The following BTBD16 variants were observed in gnomAD, a reference collection of about 807,000 sequenced individuals.
BTBD16 encodes BTB/POZ domain-containing protein 16.
In BTBD16, 66 loss-of-function variants were observed where a neutral mutation model predicts 67.4. The observed-to-expected ratio is 0.98, with a 90% CI of 0.80 to 1.20. BTBD16 has a LOEUF of 1.20. Ranked by LOEUF, BTBD16 falls within the 50% of genes most tolerant of loss-of-function variation. BTBD16 has a pLI of 0.00. For synonymous variants in BTBD16, 242 were observed against 236.4 expected, an observed-to-expected ratio of 1.02 and a Z score of -0.22; for missense variants, 634 against 616.0, an observed-to-expected ratio of 1.03 and a Z score of -0.31.
At chr10:122,303,974 A>G (rs2096398801) in intron 9 of BTBD16, among the ~76,000 whole-genome samples, 1 of 152,162 alleles carries the variant, frequency 6.6e-6, no homozygotes, top group Admixed American at 6.5e-5. Flanking sequence ...TGATTCGTGG[A>G]GCTCCCAAGG....
At chr10:122,290,288 G>T (rs998478130) in intron 6 of BTBD16, among the ~76,000 whole-genome samples, 1 of 152,128 alleles carries the variant, frequency 6.6e-6, no homozygotes, top group Non-Finnish European at 1.5e-5. Flanking sequence ...GACGGACCAA[G>T]CACAAAAGGA....
At chr10:122,277,494 T>A (rs1377490671) in intron 3 of BTBD16, among the ~76,000 whole-genome samples, 2 of 152,046 alleles carry the variant, frequency 1.3e-5, no homozygotes, top group Admixed American at 1.3e-4. Context: ...AGAAAAAAGG[T>A]TTATTTGGCT....
rs2096405081 is a variant in BTBD16 at position 122,307,183 on chromosome 10, G to T, written c.792-6G>T. The T allele has an allele frequency of 2.5e-6, 4 of 1,579,574 alleles. No homozygotes were observed. In the South Asian group the frequency reaches 4.8e-5, roughly 19 times the overall value. On this transcript the variant is annotated splice_region_variant and splice_polypyrimidine_tract_variant and intron_variant, in intron 9 of 15. Coordinates refer to ENST00000260723, the MANE Select transcript of BTBD16 (RefSeq NM_144587.5). ...AATTTCTTCTCAATCTTTTTATTTT[G>T]GCCAGGTTATTTACCTTTAGTGAAT... is the stretch of plus-strand genomic sequence containing the variant.
At chr10:122,309,798 T>C (rs1480710942) in intron 10 of BTBD16, among the ~76,000 whole-genome samples, 1 of 136,198 alleles carries the variant, frequency 7.3e-6, no homozygotes, top group African/African-American at 2.8e-5. Context: ...TTTGAGGCAG[T>C]GTCTCACTTG....
chr10:122,281,022 G>A lies in BTBD16; in HGVS notation c.168-2829G>A, dbSNP rs370623948. Reference sequence around the variant, plus strand: ...GGGTCTCTCTATGTTGCCCAGGCTGGTCTCAAACTCCCGGGCTCAAGTGAT... The same window carrying A: ...GGGTCTCTCTATGTTGCCCAGGCTGATCTCAAACTCCCGGGCTCAAGTGAT... On this transcript the variant is annotated intron_variant, in intron 3 of 15. Transcript: ENST00000260723. 3.3e-5 allele frequency among the ~76,000 whole-genome samples: 5 copies of A among 152,198 alleles called. No individual in the cohort carries two copies. In the East Asian group the frequency reaches 7.7e-4, roughly 24 times the overall value.
At chr10:122,309,635 G>A (rs1039982159) in intron 10 of BTBD16, among the ~76,000 whole-genome samples, 2 of 152,052 alleles carry the variant, frequency 1.3e-5, no homozygotes, top group African/African-American at 2.4e-5. Context: ...GAGCCACTGC[G>A]CCCAGCCTAA....
rs183385722 is a variant in BTBD16, at chr10:122,307,380, G to A, written c.911+72G>A. ...GTACAAACACTGCTCATAATATCACGGGGGAAAACCATCAGTGATATAATT... is the reference window on the plus strand; with the variant it reads ...GTACAAACACTGCTCATAATATCACAGGGGAAAACCATCAGTGATATAATT... On this transcript the variant is annotated intron_variant, in intron 10 of 15. Coordinates refer to ENST00000260723, the MANE Select transcript of BTBD16 (RefSeq NM_144587.5). The A allele has an allele frequency of 1.0e-3, 1,449 of 1,408,134 alleles. 1 individual carries two copies. The highest frequency in any genetic ancestry group is 1.3e-3 in the Non-Finnish European group (1,321 of 1,055,756). 87.2% of individuals were successfully genotyped at this position (1,408,134 alleles called of 1,614,324 possible). A position where few individuals can be genotyped will look rare whatever the true frequency, so the allele number is the denominator to read the frequency against.
At chr10:122,326,924 G>T (rs1012777226) in intron 10 of BTBD16, among the ~76,000 whole-genome samples, 2 of 152,208 alleles carry the variant, frequency 1.3e-5, no homozygotes, top group African/African-American at 2.4e-5. Flanking sequence ...GAGTCCACCA[G>T]TGTAGCCAAG....
intron 6 of BTBD16, 85 bp from the exon 7 acceptor site, chr10:122,290,995 C>T: frequency 7.1e-7 from 1 of 1,411,500 alleles, no homozygotes. Context: ...TCTGCCTGCC[C>T]AGCTGCAGGA....
chr10:122,322,882 G>C (rs1054669449), intron 10 of BTBD16, among the ~76,000 whole-genome samples: 1 of 152,118 alleles, frequency 6.6e-6, no homozygotes, highest in African/African-American at 2.4e-5. Flanking sequence ...CCATAGTATT[G>C]CATGCCCATC....
At chr10:122,284,147 C>T (rs931223642) in intron 4 of BTBD16, among the ~76,000 whole-genome samples, 9 of 152,116 alleles carry the variant, frequency 5.9e-5, no homozygotes, top group Non-Finnish European at 1.2e-4. Flanking sequence ...ATATGCTCCT[C>T]GCCATGATAA....
At chr10:122,310,749 C>T (rs1240840380) in intron 10 of BTBD16, among the ~76,000 whole-genome samples, 5 of 152,146 alleles carry the variant, frequency 3.3e-5, no homozygotes, top group South Asian at 2.1e-4. Context: ...ATCTACTTCC[C>T]GGGGAGGGGG....
chr10:122,286,360 G>C, intron 5 of BTBD16, 112 bp downstream of exon 5: 2 of 1,435,612 alleles, frequency 1.4e-6, no homozygotes, highest in Non-Finnish European at 1.8e-6. Flanking sequence ...GCAGTCAAGA[G>C]TAAGGCTCCA....
intron 10 of BTBD16, chr10:122,328,678 A>G: frequency 1.2e-6 from 1 of 839,372 alleles, no homozygotes; most frequent in Non-Finnish European, 1.4e-6. Context: ...TGAGGGAGTG[A>G]CTGCATTTCC....
chr10:122,277,061 C>T lies in BTBD16; in HGVS notation c.167+122C>T, dbSNP rs912706379. On this transcript the variant is annotated intron_variant, in intron 3 of 15. Transcript: ENST00000260723. ...GTCAAGGGCACATCTGCAAGGAAGG[C>T]TCCCTCTGGAGCCAGCTCTCAGGCA... is the stretch of plus-strand genomic sequence containing the variant. 4.3e-5 allele frequency: 51 copies of T among 1,177,786 alleles called. No individual in the cohort carries two copies. In the Admixed American group the frequency reaches 7.8e-4, roughly 18 times the overall value. The allele number at this position is 1,177,786 out of a possible 1,614,324, so 73.0% of individuals were successfully genotyped here.
At chr10:122,298,839 A>G (rs1460491390) in intron 8 of BTBD16, 165 bp from the exon 9 acceptor site, 1 of 457,672 alleles carries the variant, frequency 2.2e-6, no homozygotes, top group Non-Finnish European at 2.9e-6. Context: ...GAGCATAGAA[A>G]ACACTTAGAA....
chr10:122,295,812 G>C (rs1024827266), intron 7 of BTBD16, among the ~76,000 whole-genome samples: 1 of 152,142 alleles, frequency 6.6e-6, no homozygotes, highest in Non-Finnish European at 1.5e-5. Flanking sequence ...CAGTCTCCCT[G>C]TCTGAAGGGC....
At position 122,300,909 on chromosome 10, in the gene BTBD16, G is replaced by A. The variant is rs1207028058; in HGVS notation, c.791+1775G>A. Among the ~76,000 whole-genome samples the A allele has an allele frequency of 3.9e-5, 6 of 152,222 alleles. No homozygotes were observed. In the South Asian group the frequency reaches 1.2e-3, roughly 32 times the overall value. ...TGATTTCAGAAATTAGATTTGGAAA[G>A]ATTTATTCTACTGTTGATGTGAATT... On this transcript the variant is annotated intron_variant, in intron 9 of 15. Transcript: ENST00000260723.
At chr10:122,277,161 T>TTTTTC (rs1554886307) in intron 3 of BTBD16, among the ~76,000 whole-genome samples, 23 of 141,280 alleles carry the variant, frequency 1.6e-4, no homozygotes, top group African/African-American at 7.3e-4. Flanking sequence ...ATTGAATTTT[T>TTTTTC]TTTTTTTTTT....
Sources: allele counts gnomAD v4.1 joint callset (sites outside exome capture counted in the v4.1 genomes callset), GRCh38; gene constraint gnomAD v4.1.1; transcripts MANE v1.5; gene names NCBI Gene and HGNC (gene_info 2026-07-23, HGNC 2026-07-21).